ARL5B: variants seen among roughly 807,000 people sequenced by gnomAD.
ARL5B encodes the protein ARF like GTPase 5B, also known as ADP-ribosylation factor-like protein 5B.
A neutral mutation model predicts 26.9 loss-of-function variants in ARL5B; 10 were observed. The ratio of observed to expected loss-of-function variants is 0.37; its 90% confidence interval spans 0.23 to 0.63. The LOEUF (loss-of-function observed/expected upper bound fraction) is 0.63, where lower values mean the gene tolerates loss of function less well. Ranked by LOEUF, ARL5B falls within the 30% of genes least tolerant of loss-of-function variation. The pLI is 0.62. For synonymous variants in ARL5B, 87 were observed against 70.4 expected (o/e 1.24, Z -1.18); for missense variants, 167 against 213.9 (o/e 0.78, Z 1.37).
chr10:18,667,150 C>G (rs2059865038), intron 2 of ARL5B, among the ~76,000 whole-genome samples: 1 of 152,190 alleles, frequency 6.6e-6, no homozygotes, highest in Non-Finnish European at 1.5e-5. Flanking sequence ...CATCATTCCA[C>G]TTGTCAGAGT....
In ARL5B at chr10:18,666,600, G is replaced by C. The variant is rs377067185; in HGVS notation, c.72G>C (p.Leu24=). Residue 24 remains leucine, a synonymous_variant, in exon 2 of 6, where the codon CTG becomes CTC. Transcript: ENST00000377275. ...AACACAAAGTAATTATAGTGGGACT[G>C]GATAATGCAGGGAAAACCACCATTC... The part of the protein sequence containing the change: ...NQEHKVIIVG[L]DNAGKTTILY... 74 of 1,609,684 alleles carry C rather than the reference G, an allele frequency of 4.6e-5. 1 individual carries two copies. The highest frequency in any genetic ancestry group is 6.3e-5 in the Non-Finnish European group (74 of 1,178,112).
rs1724020 is a variant in ARL5B, at chr10:18,680,822, C to G, written c.*5606C>G. On this transcript the variant is annotated 3_prime_UTR_variant, in exon 6 of 6. Coordinates refer to ENST00000377275, the MANE Select transcript of ARL5B (RefSeq NM_178815.5). ...ACAAAAACCTAACAGCAATTACAAC[C>G]TTGGTGTTGCGTTTATTCTAATCAG... 6.6e-6 allele frequency: 1 copy of G among 152,014 alleles called. No individual in the cohort carries two copies. The highest frequency in any genetic ancestry group is 2.4e-5 in the African/African-American group (1 of 41,406). The allele number at this position is 152,014 out of a possible 1,614,324, so 9.4% of individuals were successfully genotyped here.
chr10:18,667,718 C>A (rs2131641424), intron 2 of ARL5B, among the ~76,000 whole-genome samples: 1 of 151,888 alleles, frequency 6.6e-6, no homozygotes, highest in African/African-American at 2.4e-5. Flanking sequence ...TATATATACA[C>A]ACACACACAA....
chr10:18,668,719 A>G (rs1367907505), intron 3 of ARL5B, 42 bp downstream of exon 3: 1 of 1,590,210 alleles, frequency 6.3e-7, no homozygotes, highest in East Asian at 2.3e-5. Flanking sequence ...AAAGGTCCCT[A>G]GAGTAAACAT....
chr10:18,670,675 A>T (rs2059883121), intron 3 of ARL5B, among the ~76,000 whole-genome samples: 1 of 152,196 alleles, frequency 6.6e-6, no homozygotes. Flanking sequence ...TAAACATCAG[A>T]GCTGTTAGTA....
chr10:18,659,843 C>T, intron 1 of ARL5B, 160 bp downstream of exon 1: 1 of 985,178 alleles, frequency 1.0e-6, no homozygotes, highest in Non-Finnish European at 1.2e-6. Flanking sequence ...ACCTGGAGGA[C>T]GTACAGGAGA....
In ARL5B at chr10:18,679,964, G is replaced by A. The variant is rs2059925773; in HGVS notation, c.*4748G>A. The stretch of plus-strand genomic sequence containing the variant: ...GGCCAAAGGAGTGAAGACTGATTAG[G>A]GTTTTAGAATTTGGAACTGTAGTCA... On this transcript the variant is annotated 3_prime_UTR_variant, in exon 6 of 6. Coordinates refer to ENST00000377275, the MANE Select transcript of ARL5B (RefSeq NM_178815.5). 2.0e-5 allele frequency: 3 copies of A among 151,826 alleles called. No homozygotes were observed. The South Asian group carries it at 6.2e-4, about 31-fold the overall frequency. 9.4% of individuals were successfully genotyped at this position (151,826 alleles called of 1,614,324 possible).
At chr10:18,670,048 T>G (rs1387234881) in intron 3 of ARL5B, among the ~76,000 whole-genome samples, 2 of 150,152 alleles carry the variant, frequency 1.3e-5, no homozygotes, top group African/African-American at 4.9e-5. Context: ...GAAAAGGATA[T>G]AATATGAATA....
At position 18,659,458 on chromosome 10, in the gene ARL5B, G is replaced by C. The variant is rs1590220950; in HGVS notation, c.-180G>C. 1 of 745,152 alleles carries C rather than the reference G, an allele frequency of 1.3e-6. No homozygotes were observed. Among genetic ancestry groups the C allele is most frequent in the South Asian group, 2.0e-5 (1 of 49,904 alleles). The allele number at this position is 745,152 out of a possible 1,614,324, so 46.2% of individuals were successfully genotyped here. On this transcript the variant is annotated 5_prime_UTR_variant, in exon 1 of 6. Transcript: ENST00000377275. ...TGGGCTCGAAACAAAGGGCTGTCCG[G>C]TGGGGATTCGTCGCGGCGCCTTCTG...
rs757961621 is a variant in ARL5B at position 18,659,643 on chromosome 10, G to T, written c.6G>T (p.Gly2=). M[G]LIFAKLWSLF... ...GGCCCGCCCCGGTGCTCGTGATGGG[G>T]CTGATCTTCGCCAAACTGTGGAGCC... Residue 2 remains glycine, a synonymous_variant, in exon 1 of 6, where the codon GGG becomes GGT. Coordinates refer to ENST00000377275, the MANE Select transcript of ARL5B (RefSeq NM_178815.5). The T allele has an allele frequency of 5.0e-6, 8 of 1,613,088 alleles. No homozygotes were observed. The highest frequency in any genetic ancestry group is 6.8e-6 in the Non-Finnish European group (8 of 1,179,624).
chr10:18,666,930 C>T (rs1277110296), intron 2 of ARL5B, among the ~76,000 whole-genome samples: 1 of 152,112 alleles, frequency 6.6e-6, no homozygotes, highest in Non-Finnish European at 1.5e-5. Context: ...TCACTTAGTT[C>T]TTACCCCACT....
At chr10:18,664,151 A>T (rs977357011) in intron 1 of ARL5B, among the ~76,000 whole-genome samples, 1 of 151,292 alleles carries the variant, frequency 6.6e-6, no homozygotes, top group Non-Finnish European at 1.5e-5. Context: ...ACGGAGTTTC[A>T]CCAAATTAGC....
intron 3 of ARL5B, 58 bp downstream of exon 3, chr10:18,668,735 G>T: frequency 6.7e-6 from 10 of 1,501,294 alleles, no homozygotes; most frequent in African/African-American, 2.8e-5. Flanking sequence ...AACATAGAAA[G>T]TAATTAGGCT....
intron 3 of ARL5B, among the ~76,000 whole-genome samples, chr10:18,671,176 T>C (rs534812727): frequency 3.3e-5 from 5 of 152,292 alleles, no homozygotes; most frequent in African/African-American, 1.2e-4. Flanking sequence ...TCCCTAATTT[T>C]ATTTATTTTT....
chr10:18,668,722 G>C (rs768695946), intron 3 of ARL5B, 45 bp downstream of exon 3: 1 of 1,572,720 alleles, frequency 6.4e-7, no homozygotes, highest in Admixed American at 1.8e-5. Context: ...GGTCCCTAGA[G>C]TAAACATAGA....
At chr10:18,659,951 G>C (rs937677072) in intron 1 of ARL5B, 1 of 985,034 alleles carries the variant, frequency 1.0e-6, no homozygotes, top group Non-Finnish European at 1.2e-6. Flanking sequence ...AGTAAAGCGG[G>C]ATACAGCTAA....
At chr10:18,671,498 A>G (rs1466342617) in intron 3 of ARL5B, among the ~76,000 whole-genome samples, 3 of 152,000 alleles carry the variant, frequency 2.0e-5, no homozygotes, top group Non-Finnish European at 4.4e-5. Flanking sequence ...TCATCTCTGT[A>G]ATCTAATTCT....
rs1215037099 is a variant in ARL5B at position 18,678,991 on chromosome 10, A to T, written c.*3775A>T. ...GCTTATATACTACTATTAAAAATTA[A>T]AAATCCCTCAAATAGTAGGGCAATA... On this transcript the variant is annotated 3_prime_UTR_variant, in exon 6 of 6. Transcript: ENST00000377275. 2 of 151,910 alleles carry T rather than the reference A, an allele frequency of 1.3e-5. No homozygotes were observed. The highest frequency in any genetic ancestry group is 4.8e-5 in the African/African-American group (2 of 41,430). The allele number at this position is 151,910 out of a possible 1,614,324, so 9.4% of individuals were successfully genotyped here.
chr10:18,673,966 A>C lies in ARL5B; in HGVS notation c.340-18A>C, dbSNP rs910161741. On this transcript the variant is annotated intron_variant, in intron 4 of 5. Coordinates refer to ENST00000377275, the MANE Select transcript of ARL5B (RefSeq NM_178815.5). ...TTGTGGTATTTCACATATTAGAAAT[A>C]TTTTGTCTTGATTGCAGGATTTACG... 3.8e-6 allele frequency: 6 copies of C among 1,582,534 alleles called. No individual in the cohort carries two copies. The Admixed American group carries it at 5.5e-5, about 14-fold the overall frequency.
Sources: allele counts gnomAD v4.1 joint callset (sites outside exome capture counted in the v4.1 genomes callset), GRCh38; gene constraint gnomAD v4.1.1; transcripts MANE v1.5; gene names NCBI Gene and HGNC (gene_info 2026-07-23, HGNC 2026-07-21).